GABRD: variants seen among roughly 807,000 people sequenced by gnomAD.
The protein encoded by GABRD is gamma-aminobutyric acid type A receptor subunit delta.
Under a neutral mutation model 47.3 loss-of-function variants are expected in GABRD, and 25 were observed. That is an observed-to-expected ratio of 0.53 (90% CI 0.39 to 0.74). The LOEUF is 0.74. Among genes scored for constraint, GABRD ranks in the 30% least tolerant of loss-of-function variants. The pLI, the probability that GABRD is intolerant of heterozygous loss-of-function variation, is 0.00. For synonymous variants in GABRD, 314 were observed against 278.8 expected, an observed-to-expected ratio of 1.13 and a Z score of -1.26; for missense variants, 497 against 643.4, an observed-to-expected ratio of 0.77 and a Z score of 2.46.
rs557345944 is a variant in GABRD, at chr1:2,030,634, G to C, written c.*352G>C. On this transcript the variant is annotated 3_prime_UTR_variant, in exon 9 of 9. Transcript: ENST00000378585. Reference sequence around the variant, plus strand: ...TCTAGGTCTTTGCTCTGCAGGATCGGGATCAGAGCGTGGGAGGAGGTGGGG... The same window carrying C: ...TCTAGGTCTTTGCTCTGCAGGATCGCGATCAGAGCGTGGGAGGAGGTGGGG... 2.3e-4 allele frequency: 47 copies of C among 207,478 alleles called. No homozygotes were observed. Among genetic ancestry groups the C allele is most frequent in the African/African-American group, 1.0e-3 (45 of 43,572 alleles). The allele number at this position is 207,478 out of a possible 1,614,324, so 12.9% of individuals were successfully genotyped here.
At chr1:2,027,730 C>T (rs1571030284) in intron 5 of GABRD, 71 bp downstream of exon 5, 3 of 1,388,570 alleles carry the variant, frequency 2.2e-6, no homozygotes. Flanking sequence ...CAGCCCGGGG[C>T]CTGGACAAGG....
At chr1:2,026,849 A>G (rs534294395) in intron 4 of GABRD, 3 of 151,900 alleles carry the variant, frequency 2.0e-5, no homozygotes, top group African/African-American at 7.3e-5. Flanking sequence ...AAAAAAACAA[A>G]CAAAAAAAAG....
In GABRD at chr1:2,029,706, G is replaced by A. The variant is rs758908317; in HGVS notation, c.1003G>A (p.Ala335Thr). ...GGAGTACGCCTTTGCTCATTTCAAC[G>A]CCGACTACAGGAAGAAGCAGAAGGC... The part of the protein sequence containing the change: ...LVEYAFAHFN[A>T]DYRKKQKAKV... Residue 335 changes from alanine to threonine, a missense_variant, in exon 8 of 9, where the codon GCC becomes ACC. Ala to Thr is a moderately conservative substitution (Grantham distance 58). Coordinates refer to ENST00000378585, the MANE Select transcript of GABRD (RefSeq NM_000815.5). 5.6e-6 allele frequency: 9 copies of A among 1,613,354 alleles called. No individual in the cohort carries two copies. In the Admixed American group the frequency reaches 6.7e-5, roughly 12 times the overall value.
At chr1:2,020,379 C>T (rs1337168297) in intron 1 of GABRD, among the ~76,000 whole-genome samples, 1 of 152,242 alleles carries the variant, frequency 6.6e-6, no homozygotes, top group Non-Finnish European at 1.5e-5. Context: ...GAGCCATCCC[C>T]CAGCATTCAG....
Position 2,028,306 on chromosome 1 carries a change from G to T in GABRD, c.691+14G>T. ...ACTTCAAGTCCGGTAACATATGCCCGCCGCCCCTTCCGCATGTGCCCGCCG... is the reference window on the plus strand; with the variant it reads ...ACTTCAAGTCCGGTAACATATGCCCTCCGCCCCTTCCGCATGTGCCCGCCG... On this transcript the variant is annotated intron_variant, in intron 6 of 8. Coordinates refer to ENST00000378585, the MANE Select transcript of GABRD (RefSeq NM_000815.5). The surrounding 1 kb of genome is among the most constrained non-coding windows in gnomAD (Gnocchi z 6.4). 1.9e-6 allele frequency: 3 copies of T among 1,601,808 alleles called. No individual in the cohort carries two copies. The highest frequency in any genetic ancestry group is 2.6e-6 in the Non-Finnish European group (3 of 1,173,504).
At chr1:2,020,917 C>A (rs1658754903) in intron 1 of GABRD, among the ~76,000 whole-genome samples, 1 of 152,254 alleles carries the variant, frequency 6.6e-6, no homozygotes, top group African/African-American at 2.4e-5. Flanking sequence ...CTGGGAAATT[C>A]TTCAGGCCGC....
chr1:2,028,044 C>G lies in GABRD; in HGVS notation c.554-111C>G, dbSNP rs1658976299. The G allele has an allele frequency of 7.2e-6, 9 of 1,257,968 alleles. No individual in the cohort carries two copies. Among genetic ancestry groups the G allele is most frequent in the Non-Finnish European group, 8.8e-6 (8 of 908,642 alleles). 77.9% of individuals were successfully genotyped at this position (1,257,968 alleles called of 1,614,324 possible). ...CCTGGCTGGGGTCCTGCTCGGTCCCCATCACGATGGCGTCGGCCCCCTGCA... is the reference window on the plus strand; with the variant it reads ...CCTGGCTGGGGTCCTGCTCGGTCCCGATCACGATGGCGTCGGCCCCCTGCA... On this transcript the variant is annotated intron_variant, in intron 5 of 8. Coordinates refer to ENST00000378585, the MANE Select transcript of GABRD (RefSeq NM_000815.5). The surrounding 1 kb of genome is among the most constrained non-coding windows in gnomAD (Gnocchi z 6.4).
At chr1:2,023,354 G>A (rs1571025481) in intron 1 of GABRD, among the ~76,000 whole-genome samples, 1 of 152,046 alleles carries the variant, frequency 6.6e-6, no homozygotes, top group Admixed American at 6.5e-5. Flanking sequence ...CTGGTGGCCC[G>A]GCCTCAGCTT....
chr1:2,027,249 G>T, intron 4 of GABRD: 1 of 422,952 alleles, frequency 2.4e-6, no homozygotes, highest in South Asian at 2.2e-5. Flanking sequence ...GCAACTCTGG[G>T]CCTATTCCCG....
chr1:2,027,144 CAG>C, intron 4 of GABRD: 2 of 306,720 alleles, frequency 6.5e-6, no homozygotes, highest in South Asian at 5.7e-5. Context: ...GCTTGGGTGA[CAG>C]AGTGAGACCC....
chr1:2,024,258 T>C (rs1296724163), intron 1 of GABRD: 1 of 152,402 alleles, frequency 6.6e-6, no homozygotes, highest in Non-Finnish European at 1.5e-5. Context: ...TCTGGCAGCA[T>C]GGTGTGTATG....
At chr1:2,027,455 A>G in intron 4 of GABRD, 122 bp from the exon 5 acceptor site, 1 of 768,250 alleles carries the variant, frequency 1.3e-6, no homozygotes, top group Non-Finnish European at 2.3e-6. Context: ...GGGCAAACAC[A>G]GTCTGAGAAG....
intron 1 of GABRD, among the ~76,000 whole-genome samples, chr1:2,021,966 C>G (rs1362005255): frequency 6.6e-6 from 1 of 152,138 alleles, no homozygotes; most frequent in Admixed American, 6.5e-5. Context: ...CCAGGTGACC[C>G]ATGGAGAGCC....
rs150619024 is a variant in GABRD at position 2,029,570 on chromosome 1, G to A, written c.867G>A (p.Thr289=). The stretch of plus-strand genomic sequence containing the variant: ...CGGCAGGCATCACCACGGTGCTGAC[G>A]ATGACCACGCTCATGGTCAGTGCCC... The part of the protein sequence containing the change: ...RVSLGITTVL[T]MTTLMVSARS... The change falls in exon 8 of 9, where the codon ACG becomes ACA. Residue 289 remains threonine (T), a synonymous_variant. Coordinates refer to ENST00000378585, the MANE Select transcript of GABRD (RefSeq NM_000815.5). 134 of 1,612,872 alleles carry A rather than the reference G, an allele frequency of 8.3e-5. No individual in the cohort carries two copies. Among genetic ancestry groups the A allele is most frequent in the Middle Eastern group, 1.7e-4 (1 of 6,044 alleles).
In GABRD at chr1:2,022,787, G is replaced by A. The variant is rs1426972719; in HGVS notation, c.69-2155G>A. Among the ~76,000 whole-genome samples the A allele has an allele frequency of 2.0e-5, 3 of 152,244 alleles. No individual in the cohort carries two copies. In the East Asian group the frequency reaches 5.8e-4, roughly 29 times the overall value. ...GGGGTCCCGTGGGCGCGGGGTCCTG[G>A]GTCTGGATGGACAGCAGCCCTGGAT... On this transcript the variant is annotated intron_variant, in intron 1 of 8. Transcript: ENST00000378585.
At position 2,030,380 on chromosome 1, in the gene GABRD, C is replaced by T. The variant is rs1216706193; in HGVS notation, c.*98C>T. Reference sequence around the variant, plus strand: ...AGCCCTCGGGCTGCCTTCCCCTCTGCGTGTTTCGAAGTGGGATGACAGTCG... The same window carrying T: ...AGCCCTCGGGCTGCCTTCCCCTCTGTGTGTTTCGAAGTGGGATGACAGTCG... On this transcript the variant is annotated 3_prime_UTR_variant, in exon 9 of 9. Coordinates refer to ENST00000378585, the MANE Select transcript of GABRD (RefSeq NM_000815.5). 8 of 1,125,256 alleles carry T rather than the reference C, an allele frequency of 7.1e-6. No individual in the cohort carries two copies. Among genetic ancestry groups the T allele is most frequent in the African/African-American group, 3.2e-5 (2 of 62,170 alleles). 69.7% of individuals were successfully genotyped at this position (1,125,256 alleles called of 1,614,324 possible).
intron 4 of GABRD, 26 bp downstream of exon 4, chr1:2,025,764 C>T (rs778284512): frequency 2.5e-5 from 40 of 1,596,048 alleles, no homozygotes; most frequent in Admixed American, 1.7e-4. Flanking sequence ...ACCCGGACTC[C>T]GGGGGAGAGC....
chr1:2,024,965 A>G lies in GABRD; in HGVS notation c.92A>G (p.Tyr31Cys). The change falls in exon 2 of 9, where the codon TAC (tyrosine) becomes TGC (cysteine). Residue 31 changes from tyrosine to cysteine, a missense_variant. Physicochemically the swap from Tyr to Cys is radical, Grantham distance 194. Around this residue, in one of 3 missense-constraint regions of GABRD, gnomAD observed 91 missense variants for 85.5 expected, o/e 1.06. Transcript: ENST00000378585. ...GTRAMNDIGD[Y>C]VGSNLEISWL... ...AGAGCGATGAATGACATCGGCGACT[A>G]CGTGGGCTCCAACCTGGAGATCTCC... The G allele has an allele frequency of 6.2e-7, 1 of 1,612,810 alleles. No homozygotes were observed. Among genetic ancestry groups the G allele is most frequent in the Non-Finnish European group, 8.5e-7 (1 of 1,179,714 alleles).
At chr1:2,020,157 T>C (rs1324231403) in intron 1 of GABRD, among the ~76,000 whole-genome samples, 1 of 152,128 alleles carries the variant, frequency 6.6e-6, no homozygotes, top group Non-Finnish European at 1.5e-5. Context: ...AGGAAGAGGC[T>C]GAGAAGGAGG....
Sources: gnomAD v4.1 joint callset for allele counts (sites outside exome capture counted in the v4.1 genomes callset) on GRCh38, gnomAD v4.1.1 for gene constraint, gnomAD v4.1.1 regional missense constraint, Gnocchi (gnomAD v3.1) non-coding constraint, MANE v1.5 for transcripts, NCBI Gene and HGNC (gene_info 2026-07-23, HGNC 2026-07-21) for gene names.